TAF12: variants seen among roughly 807,000 people sequenced by gnomAD.
The protein encoded by TAF12 is transcription initiation factor TFIID subunit 12.
In TAF12, 3 loss-of-function variants were observed where a neutral mutation model predicts 20.8. The ratio of observed to expected loss-of-function variants is 0.14; its 90% confidence interval spans 0.07 to 0.37. The LOEUF is 0.37. Ranked by LOEUF, TAF12 falls within the 10% of genes least tolerant of loss-of-function variation. The pLI is 1.00. For missense variants in TAF12, 131 were observed against 197.9 expected, an observed-to-expected ratio of 0.66 and a Z score of 2.03; for synonymous variants, 69 against 70.2, an observed-to-expected ratio of 0.98 and a Z score of 0.09.
At chr1:28,608,300 G>A (rs906361264) in intron 4 of TAF12, among the ~76,000 whole-genome samples, 27 of 151,008 alleles carry the variant, frequency 1.8e-4, no homozygotes, top group African/African-American at 6.1e-4. Context: ...AGCCAAGATC[G>A]CGCCACTGCA....
intron 4 of TAF12, among the ~76,000 whole-genome samples, chr1:28,606,311 G>A (rs749876915): frequency 6.6e-6 from 1 of 151,774 alleles, no homozygotes; most frequent in Non-Finnish European, 1.5e-5. Flanking sequence ...CTAATTTTTT[G>A]TATTTTTAGT....
At chr1:28,619,961 G>C (rs1365269975) in intron 2 of TAF12, among the ~76,000 whole-genome samples, 1 of 149,870 alleles carries the variant, frequency 6.7e-6, no homozygotes, top group African/African-American at 2.5e-5. Context: ...AAAAAAAAAA[G>C]AGAGAGAGAC....
intron 4 of TAF12, among the ~76,000 whole-genome samples, chr1:28,609,641 C>G (rs1211696340): frequency 1.3e-5 from 2 of 151,966 alleles, no homozygotes; most frequent in African/African-American, 2.4e-5. Flanking sequence ...CGTGCACCAC[C>G]ACGCTCAGCT....
intron 1 of TAF12, among the ~76,000 whole-genome samples, chr1:28,632,260 A>T (rs528638808): frequency 6.6e-6 from 1 of 152,170 alleles, no homozygotes; most frequent in South Asian, 2.1e-4. Context: ...CAACATGGTG[A>T]AACGCTCTCT....
chr1:28,619,309 C>T (rs994918865), intron 2 of TAF12, among the ~76,000 whole-genome samples: 28 of 151,338 alleles, frequency 1.9e-4, no homozygotes, highest in Non-Finnish European at 1.6e-4. Context: ...CTGGCTAACA[C>T]GGTGAAACCC....
chr1:28,644,734 C>G (rs1253856498), upstream of TAF12, among the ~76,000 whole-genome samples: 1 of 152,186 alleles, frequency 6.6e-6, no homozygotes, highest in Non-Finnish European at 1.5e-5. Flanking sequence ...TACTCAAGGA[C>G]CAAGATGGCC....
At position 28,613,366 on chromosome 1, in the gene TAF12, G is replaced by C; in HGVS notation, c.247-5C>G. ...ATCAGCAATCTGCAGCAGCATCTGG[G>C]GAAGGTAAAGTGGGAAGAGTCAGCA... On this transcript the variant is annotated splice_region_variant and splice_polypyrimidine_tract_variant and intron_variant, in intron 3 of 5. Coordinates refer to ENST00000373824, the MANE Select transcript of TAF12 (RefSeq NM_005644.4). 1 of 1,606,020 alleles carries C rather than the reference G, an allele frequency of 6.2e-7. No individual in the cohort carries two copies. The highest frequency in any genetic ancestry group is 8.5e-7 in the Non-Finnish European group (1 of 1,176,648).
At chr1:28,626,161 T>C (rs1327154044) in intron 1 of TAF12, among the ~76,000 whole-genome samples, 1 of 151,526 alleles carries the variant, frequency 6.6e-6, no homozygotes, top group Non-Finnish European at 1.5e-5. Context: ...GTATTTTTAG[T>C]AGAGGAGGGG....
At chr1:28,629,132 C>T (rs1342213689) in intron 1 of TAF12, among the ~76,000 whole-genome samples, 1 of 152,020 alleles carries the variant, frequency 6.6e-6, no homozygotes, top group Non-Finnish European at 1.5e-5. Context: ...ATAAATTATT[C>T]CTGGCAAGAT....
intron 1 of TAF12, among the ~76,000 whole-genome samples, chr1:28,630,815 G>A (rs540375797): frequency 3.9e-5 from 6 of 152,130 alleles, no homozygotes; most frequent in East Asian, 3.9e-4. Flanking sequence ...GGAGGCCGAC[G>A]TGGGCAGATC....
intron 4 of TAF12, among the ~76,000 whole-genome samples, chr1:28,610,219 C>T (rs1306775927): frequency 2.6e-5 from 4 of 151,576 alleles, no homozygotes; most frequent in Admixed American, 6.6e-5. Flanking sequence ...CCACCTGCCT[C>T]GGCCTCACAA....
intron 1 of TAF12, among the ~76,000 whole-genome samples, chr1:28,632,107 C>T (rs138676847): frequency 7.0e-4 from 107 of 152,196 alleles, no homozygotes; most frequent in African/African-American, 2.5e-3. Flanking sequence ...GGTGAATAAA[C>T]AAATTATGGT....
chr1:28,634,226 C>T (rs186726274), intron 1 of TAF12, among the ~76,000 whole-genome samples: 1 of 148,860 alleles, frequency 6.7e-6, no homozygotes, highest in Non-Finnish European at 1.5e-5. Context: ...CCATCCTGAC[C>T]AACATGGTGA....
chr1:28,621,847 A>T, intron 2 of TAF12, 67 bp downstream of exon 2: 2 of 1,559,526 alleles, frequency 1.3e-6, no homozygotes, highest in East Asian at 4.7e-5. Context: ...GACATCTCTT[A>T]AAGTATTACA....
intron 1 of TAF12, among the ~76,000 whole-genome samples, chr1:28,635,373 T>G (rs867253587): frequency 3.6e-5 from 5 of 139,890 alleles, no homozygotes; most frequent in Middle Eastern, 7.7e-3. Flanking sequence ...TGGCGCAATC[T>G]TGGCTCACTG....
At chr1:28,632,239 AC>A (rs1271225706) in intron 1 of TAF12, among the ~76,000 whole-genome samples, 1 of 152,186 alleles carries the variant, frequency 6.6e-6, no homozygotes, top group Non-Finnish European at 1.5e-5. Flanking sequence ...GGAGTTTGAG[AC>A]CAGCCTGGCC....
At position 28,619,479 on chromosome 1, in the gene TAF12, C is replaced by T. The variant is rs1175696330; in HGVS notation, c.169-1449G>A. ...CGCCACTGCACTCCAGCCTGGGCAA[C>T]AGAGTGAGACTCCATCTCAAAAAAA... On this transcript the variant is annotated intron_variant, in intron 2 of 5. Coordinates refer to ENST00000373824, the MANE Select transcript of TAF12 (RefSeq NM_005644.4). Among the ~76,000 whole-genome samples, 4 of 136,030 alleles carry T rather than the reference C, an allele frequency of 2.9e-5. No homozygotes were observed. In the Admixed American group the frequency reaches 3.1e-4, roughly 10 times the overall value. 89.2% of individuals were successfully genotyped at this position (136,030 alleles called of 152,430 possible).
chr1:28,610,290 G>T (rs1205682840), intron 4 of TAF12, among the ~76,000 whole-genome samples: 1 of 151,934 alleles, frequency 6.6e-6, no homozygotes, highest in East Asian at 1.9e-4. Flanking sequence ...AATTATGTAT[G>T]TATTTACTTA....
rs540077691 is a variant in TAF12 at position 28,620,385 on chromosome 1, G to A, written c.168+1529C>T. Among the ~76,000 whole-genome samples, 5 of 151,934 alleles carry A rather than the reference G, an allele frequency of 3.3e-5. No homozygotes were observed. The South Asian group carries it at 8.3e-4, about 25-fold the overall frequency. ...TTGACCTTGGGTTATCGCCTGCCTT[G>A]GCCTCCCAAAGTGCTGGGATTACAG... is the stretch of plus-strand genomic sequence containing the variant. On this transcript the variant is annotated intron_variant, in intron 2 of 5. Transcript: ENST00000373824.
Sources: gnomAD v4.1 joint callset for allele counts (sites outside exome capture counted in the v4.1 genomes callset) on GRCh38, gnomAD v4.1.1 for gene constraint, MANE v1.5 for transcripts, NCBI Gene and HGNC (gene_info 2026-07-23, HGNC 2026-07-21) for gene names.